The following AGBL1 variants were observed in gnomAD, a reference collection of about 807,000 sequenced individuals.
AGBL1 encodes the protein AGBL carboxypeptidase 1, also known as cytosolic carboxypeptidase 4.
AGBL1 carries 130 observed loss-of-function variants against 118.9 expected under a neutral mutation model. That is an observed-to-expected ratio of 1.09 (90% CI 0.95 to 1.26). The LOEUF (loss-of-function observed/expected upper bound fraction) is 1.26. Ranked by LOEUF, AGBL1 falls within the 50% of genes most tolerant of loss-of-function variation. AGBL1 has a pLI of 0.00. For missense variants in AGBL1, 1,584 were observed against 1,298.1 expected (o/e 1.22, Z -3.38); for synonymous variants, 555 against 478.9 (o/e 1.16, Z -2.08).
At chr15:87,016,191 A>T (rs1171424363) in intron 24 of AGBL1, among the ~76,000 whole-genome samples, 1 of 152,032 alleles carries the variant, frequency 6.6e-6, no homozygotes, top group Non-Finnish European at 1.5e-5. Flanking sequence ...CCTTAAGGAG[A>T]ATCTGACCCA....
At chr15:86,572,952 C>G (rs997013639) in intron 21 of AGBL1, among the ~76,000 whole-genome samples, 5 of 152,258 alleles carry the variant, frequency 3.3e-5, no homozygotes, top group Non-Finnish European at 7.3e-5. Flanking sequence ...CCTTAAGAAT[C>G]ATCTCTATTT....
intron 22 of AGBL1, among the ~76,000 whole-genome samples, chr15:86,896,647 G>A (rs932949676): frequency 6.6e-6 from 1 of 151,768 alleles, no homozygotes; most frequent in Non-Finnish European, 1.5e-5. Context: ...TTTAAAATTA[G>A]CATATTGTCT....
intron 13 of AGBL1, among the ~76,000 whole-genome samples, chr15:86,268,990 G>A (rs1053582928): frequency 5.3e-5 from 8 of 152,190 alleles, no homozygotes; most frequent in Admixed American, 3.3e-4. Flanking sequence ...TCCTGATAAT[G>A]TTTAAGTCAA....
intron 22 of AGBL1, among the ~76,000 whole-genome samples, chr15:86,838,175 T>G (rs1596537220): frequency 6.9e-6 from 1 of 143,970 alleles, no homozygotes; most frequent in East Asian, 2.3e-4. Context: ...AATTGCTCTG[T>G]AACCTAAAAA....
intron 21 of AGBL1, among the ~76,000 whole-genome samples, chr15:86,577,669 C>G (rs953377289): frequency 2.0e-4 from 31 of 152,106 alleles, no homozygotes; most frequent in African/African-American, 7.2e-4. Flanking sequence ...GGCCCAGGGT[C>G]CCCGTGCTGT....
chr15:86,370,901 G>A (rs567367775), intron 17 of AGBL1, among the ~76,000 whole-genome samples: 376 of 152,318 alleles, frequency 2.5e-3, no homozygotes, highest in Non-Finnish European at 4.5e-3. Flanking sequence ...ATCACAGAAG[G>A]CACCTACACA....
intron 23 of AGBL1, among the ~76,000 whole-genome samples, chr15:86,949,603 T>G (rs1024873708): frequency 3.3e-5 from 5 of 150,916 alleles, no homozygotes; most frequent in African/African-American, 1.2e-4. Flanking sequence ...AAGAAAGGGG[T>G]TACATAATAA....
intron 22 of AGBL1, among the ~76,000 whole-genome samples, chr15:86,899,012 A>T (rs1343613130): frequency 6.6e-6 from 1 of 152,238 alleles, no homozygotes; most frequent in Non-Finnish European, 1.5e-5. Context: ...CAGAACTACC[A>T]TTCAACCCAG....
chr15:86,985,167 T>G (rs2081269558), intron 23 of AGBL1, among the ~76,000 whole-genome samples: 1 of 152,174 alleles, frequency 6.6e-6, no homozygotes, highest in Admixed American at 6.5e-5. Context: ...TTATATCTGG[T>G]TTTTGCTTAT....
At chr15:86,758,598 C>T (rs146042688) in intron 22 of AGBL1, among the ~76,000 whole-genome samples, 1 of 152,132 alleles carries the variant, frequency 6.6e-6, no homozygotes, top group East Asian at 1.9e-4. Context: ...AATGAATGCT[C>T]TGGATTATAT....
intron 19 of AGBL1, among the ~76,000 whole-genome samples, chr15:86,523,569 C>CA (rs935647184): frequency 3.9e-5 from 6 of 152,066 alleles, no homozygotes; most frequent in East Asian, 1.9e-4. Context: ...AAAAACTGGG[C>CA]AAAAAATCAT....
chr15:86,972,422 C>G (rs1053975819), intron 23 of AGBL1, among the ~76,000 whole-genome samples: 1 of 151,576 alleles, frequency 6.6e-6, no homozygotes. Flanking sequence ...TTCATTCAGG[C>G]TTGGATGATA....
intron 23 of AGBL1, among the ~76,000 whole-genome samples, chr15:86,966,871 T>G (rs974138202): frequency 2.0e-5 from 3 of 152,138 alleles, no homozygotes; most frequent in African/African-American, 7.2e-5. Flanking sequence ...AAATGGTATT[T>G]CTAGTTCTAG....
chr15:86,632,567 T>C (rs947200369), intron 21 of AGBL1, among the ~76,000 whole-genome samples: 3 of 152,052 alleles, frequency 2.0e-5, no homozygotes, highest in Non-Finnish European at 4.4e-5. Context: ...GGATGTCTCA[T>C]CAAGATTCTC....
chr15:86,556,298 C>A (rs2083733264), intron 21 of AGBL1: 1 of 1,606,530 alleles, frequency 6.2e-7, no homozygotes. Context: ...ATTGGAGCAG[C>A]ATTTATCTTG....
chr15:86,808,890 C>CT (rs563747240), intron 22 of AGBL1, among the ~76,000 whole-genome samples: 1 of 151,880 alleles, frequency 6.6e-6, no homozygotes, highest in African/African-American at 2.4e-5. Flanking sequence ...TGGATTTTCT[C>CT]TTTTTTTCTG....
chr15:86,709,975 C>CT (rs2086525587), intron 22 of AGBL1, among the ~76,000 whole-genome samples: 1 of 152,166 alleles, frequency 6.6e-6, no homozygotes, highest in Admixed American at 6.5e-5. Flanking sequence ...GCTGCCCCAA[C>CT]TTTTCCCTGC....
rs2085509880 is a variant in AGBL1, at chr15:86,659,641, T to A, written c.2995-14632T>A. On this transcript the variant is annotated intron_variant, in intron 21 of 22. Transcript: ENST00000614907. ...AACCGTAAGATCTAACCTGATCAGG[T>A]TATGAACCTGATCATAACCTAATCT... Among the ~76,000 whole-genome samples the A allele has an allele frequency of 2.0e-5, 3 of 152,076 alleles. No individual in the cohort carries two copies. In the South Asian group the frequency reaches 6.2e-4, roughly 32 times the overall value.
intron 1 of AGBL1, among the ~76,000 whole-genome samples, chr15:86,127,938 A>G (rs1233916518): frequency 6.6e-6 from 1 of 152,192 alleles, no homozygotes; most frequent in Non-Finnish European, 1.5e-5. Flanking sequence ...CTGCCCATCA[A>G]TTAAGAATAT....
Sources: allele counts gnomAD v4.1 joint callset (sites outside exome capture counted in the v4.1 genomes callset), GRCh38; gene constraint gnomAD v4.1.1; transcripts MANE v1.5; gene names NCBI Gene and HGNC (gene_info 2026-07-23, HGNC 2026-07-21).